CCDC61: variants seen among roughly 807,000 people sequenced by gnomAD.
CCDC61 encodes centrosomal protein CCDC61.
A neutral mutation model predicts 63.0 loss-of-function variants in CCDC61; 55 were observed. That is an observed-to-expected ratio of 0.87 (90% CI 0.70 to 1.09). The LOEUF (loss-of-function observed/expected upper bound fraction) is 1.09. CCDC61 is among the 50% of genes least tolerant of loss of function. CCDC61 has a pLI of 0.00. For synonymous variants in CCDC61, 270 were observed against 317.0 expected (o/e 0.85, Z 1.58); for missense variants, 651 against 731.4 (o/e 0.89, Z 1.27).
intron 4 of CCDC61, 24 bp from the exon 5 acceptor site, chr19:46,008,116 A>G: frequency 1.9e-6 from 3 of 1,581,240 alleles, no homozygotes; most frequent in Non-Finnish European, 2.6e-6. Flanking sequence ...CTGAGATGCC[A>G]CGGTTTTAAT....
intron 1 of CCDC61, among the ~76,000 whole-genome samples, chr19:45,997,717 C>T (rs576547225): frequency 8.0e-6 from 1 of 124,594 alleles, no homozygotes; most frequent in Admixed American, 8.1e-5. Flanking sequence ...GATAGAGTCT[C>T]TCTCTGTCAC....
At chr19:45,999,026 T>C (rs1968543347) in intron 1 of CCDC61, among the ~76,000 whole-genome samples, 1 of 152,168 alleles carries the variant, frequency 6.6e-6, no homozygotes. Flanking sequence ...TCTTTCATGG[T>C]GGGATCCTAG....
intron 5 of CCDC61, among the ~76,000 whole-genome samples, chr19:46,012,715 G>A (rs1968851668): frequency 6.6e-6 from 1 of 151,894 alleles, no homozygotes; most frequent in African/African-American, 2.4e-5. Context: ...TCTTTTTCCG[G>A]GAGAGACCCT....
chr19:46,015,330 C>T lies in CCDC61; in HGVS notation c.763-15C>T, dbSNP rs374586068. The T allele has an allele frequency of 1.9e-5, 31 of 1,596,536 alleles. No individual in the cohort carries two copies. Among genetic ancestry groups the T allele is most frequent in the Non-Finnish European group, 2.4e-5 (28 of 1,177,350 alleles). On this transcript the variant is annotated splice_polypyrimidine_tract_variant and intron_variant, in intron 6 of 13. Transcript: ENST00000595358. The surrounding 1 kb of genome is among the most constrained non-coding windows in gnomAD (Gnocchi z 5.3). ...CCTCAGCCTGGACCTCCGCGCCCCT[C>T]TCCCCTCCCGGCAGCTCGAGGAGGC... is the stretch of plus-strand genomic sequence containing the variant.
rs1441284845 is a variant in CCDC61, at chr19:46,015,568, G to C, written c.845+141G>C. The C allele has an allele frequency of 2.6e-6, 2 of 765,726 alleles. No individual in the cohort carries two copies. The highest frequency in any genetic ancestry group is 4.1e-6 in the Non-Finnish European group (2 of 490,734). The allele number at this position is 765,726 out of a possible 1,614,324, so 47.4% of individuals were successfully genotyped here. ...GCTGAAGGGGAGGCGGGGCTTAGCG[G>C]ACCCCGTCTGGAGTCCAGACAGGAT... is the stretch of plus-strand genomic sequence containing the variant. On this transcript the variant is annotated intron_variant, in intron 7 of 13. Transcript: ENST00000595358. This position sits in a 1 kb window ranked among gnomAD's most constrained non-coding sequence, Gnocchi z 5.3.
chr19:46,016,110 C>A lies in CCDC61; in HGVS notation c.902C>A (p.Ser301Tyr). The stretch of plus-strand genomic sequence containing the variant: ...ACGCGGGAGGACCGGGCCTCATCGT[C>A]CCGGGAGCGCTCCGCGTCGCGAGGC... ...PPTREDRASS[S>Y]RERSASRGRG... Residue 301 changes from serine (S) to tyrosine (Y), a missense_variant, in exon 8 of 14, where the codon TCC becomes TAC. Transcript: ENST00000595358. This position sits in a 1 kb window ranked among gnomAD's most constrained non-coding sequence, Gnocchi z 7.2. 8.1e-7 allele frequency: 1 copy of A among 1,228,438 alleles called. No homozygotes were observed. The highest frequency in any genetic ancestry group is 1.0e-6 in the Non-Finnish European group (1 of 995,286). The allele number at this position is 1,228,438 out of a possible 1,614,324, so 76.1% of individuals were successfully genotyped here. A position where few individuals can be genotyped will look rare whatever the true frequency, so the allele number is the denominator to read the frequency against.
chr19:46,008,284 C>A lies in CCDC61; in HGVS notation c.534C>A (p.Ile178=). 1.5e-6 allele frequency: 2 copies of A among 1,378,958 alleles called. No homozygotes were observed. The highest frequency in any genetic ancestry group is 3.0e-5 in the African/African-American group (2 of 66,834). The allele number at this position is 1,378,958 out of a possible 1,614,324, so 85.4% of individuals were successfully genotyped here. ...CTCGGGACACCCGGGAGAATGAGAT[C>A]TGGCATCTGCGGGAGCAGTGAGTCT... The part of the protein sequence containing the change: ...QNTRDTRENE[I]WHLREQVSRL... Residue 178 remains isoleucine (I), a synonymous_variant, in exon 5 of 14, where the codon ATC becomes ATA. Transcript: ENST00000595358.
At chr19:46,013,016 T>A (rs11668518) in intron 5 of CCDC61, among the ~76,000 whole-genome samples, 43,676 of 151,076 alleles carry the variant, frequency 0.29, 6,512 homozygotes, top group African/African-American at 0.35. Flanking sequence ...CATGCCAAGC[T>A]ATTTTTTTTT....
At position 46,016,097 on chromosome 19, in the gene CCDC61, C is replaced by A; in HGVS notation, c.889C>A (p.Arg297=). The A allele has an allele frequency of 8.1e-7, 1 of 1,237,294 alleles. No homozygotes were observed. Among genetic ancestry groups the A allele is most frequent in the Non-Finnish European group, 1.0e-6 (1 of 992,088 alleles). The allele number at this position is 1,237,294 out of a possible 1,614,324, so 76.6% of individuals were successfully genotyped here. Residue 297 remains arginine (R), a synonymous_variant, in exon 8 of 14, where the codon CGG becomes AGG. Coordinates refer to ENST00000595358, the MANE Select transcript of CCDC61 (RefSeq NM_001267723.2). The surrounding 1 kb of genome is among the most constrained non-coding windows in gnomAD (Gnocchi z 7.2). ...GCAGCCGCCCCCGACGCGGGAGGACCGGGCCTCATCGTCCCGGGAGCGCTC... is the reference window on the plus strand; with the variant it reads ...GCAGCCGCCCCCGACGCGGGAGGACAGGGCCTCATCGTCCCGGGAGCGCTC... ...PVQPPPTRED[R]ASSSRERSAS... is the part of the protein sequence containing the mutation.
intron 5 of CCDC61, among the ~76,000 whole-genome samples, chr19:46,012,714 G>A (rs1968851618): frequency 6.6e-6 from 1 of 151,642 alleles, no homozygotes; most frequent in Non-Finnish European, 1.5e-5. Context: ...GTCTTTTTCC[G>A]GGAGAGACCC....
At chr19:46,012,158 C>A (rs1399986517) in intron 5 of CCDC61, among the ~76,000 whole-genome samples, 1 of 152,172 alleles carries the variant, frequency 6.6e-6, no homozygotes, top group African/African-American at 2.4e-5. Context: ...CCAGGGCAGG[C>A]CCTGACTCCT....
Position 46,015,338 on chromosome 19 carries a change from C to T in CCDC61, c.763-7C>T, listed in dbSNP as rs754285319. 1.3e-6 allele frequency: 2 copies of T among 1,599,308 alleles called. No homozygotes were observed. Among genetic ancestry groups the T allele is most frequent in the East Asian group, 4.5e-5 (2 of 44,686 alleles). On this transcript the variant is annotated splice_polypyrimidine_tract_variant and splice_region_variant and intron_variant, in intron 6 of 13. Coordinates refer to ENST00000595358, the MANE Select transcript of CCDC61 (RefSeq NM_001267723.2). This position sits in a 1 kb window ranked among gnomAD's most constrained non-coding sequence, Gnocchi z 5.3. ...TGGACCTCCGCGCCCCTCTCCCCTCCCGGCAGCTCGAGGAGGCGAAGGCAT... is the reference window on the plus strand; with the variant it reads ...TGGACCTCCGCGCCCCTCTCCCCTCTCGGCAGCTCGAGGAGGCGAAGGCAT...
intron 5 of CCDC61, among the ~76,000 whole-genome samples, chr19:46,009,053 T>C (rs1196067148): frequency 6.6e-6 from 1 of 152,122 alleles, no homozygotes; most frequent in Non-Finnish European, 1.5e-5. Flanking sequence ...AGTATATCAT[T>C]ACAGATGGAG....
Position 46,018,187 on chromosome 19 carries a change from A to C in CCDC61, c.1441+37A>C. 1 of 1,577,598 alleles carries C rather than the reference A, an allele frequency of 6.3e-7. No homozygotes were observed. The highest frequency in any genetic ancestry group is 1.8e-5 in the Admixed American group (1 of 55,194). On this transcript the variant is annotated intron_variant, in intron 13 of 13. Transcript: ENST00000595358. This position sits in a 1 kb window ranked among gnomAD's most constrained non-coding sequence, Gnocchi z 4.2. ...ACTCCACATCCCCTCTCCCAGCCCC[A>C]GGACCCGTTGGAATGGTAGTGCGGG... is the stretch of plus-strand genomic sequence containing the variant.
At chr19:46,003,803 CTGTT>C (rs1006991719) in intron 3 of CCDC61, among the ~76,000 whole-genome samples, 8 of 147,884 alleles carry the variant, frequency 5.4e-5, no homozygotes, top group Admixed American at 1.4e-4. Context: ...CTCCATGTCT[CTGTT>C]TGTTTCCAAA....
Position 46,016,710 on chromosome 19 carries a change from C to T in CCDC61, c.1108C>T (p.Arg370Cys), listed in dbSNP as rs1460872617. 5.0e-6 allele frequency: 8 copies of T among 1,611,910 alleles called. No homozygotes were observed. The highest frequency in any genetic ancestry group is 6.8e-6 in the Non-Finnish European group (8 of 1,179,350). ...TTTTCCCAGGCAGCAGCAGCGGAACCGCTTAGGCAGTGGGGGAAGCGGGGA... is the reference window on the plus strand; with the variant it reads ...TTTTCCCAGGCAGCAGCAGCGGAACTGCTTAGGCAGTGGGGGAAGCGGGGA... ...EIQMKQQQRN[R>C]LGSGGSGDGP... The change falls in exon 10 of 14, where the codon CGC (arginine) becomes TGC (cysteine). Residue 370 changes from arginine to cysteine, a missense_variant. Coordinates refer to ENST00000595358, the MANE Select transcript of CCDC61 (RefSeq NM_001267723.2). The surrounding 1 kb of genome is among the most constrained non-coding windows in gnomAD (Gnocchi z 7.2).
chr19:46,010,795 G>A (rs555042307), intron 5 of CCDC61, among the ~76,000 whole-genome samples: 3 of 152,320 alleles, frequency 2.0e-5, no homozygotes, highest in South Asian at 2.1e-4. Context: ...CCCCTGCCCT[G>A]TAGCAAATCC....
rs1417902035 is a variant in CCDC61, at chr19:46,003,313, CTCAAGCCAGAGACACTGGAG to C, written c.149-103_149-84del. On this transcript the variant is annotated intron_variant, in intron 2 of 13. Coordinates refer to ENST00000595358, the MANE Select transcript of CCDC61 (RefSeq NM_001267723.2). The stretch of plus-strand genomic sequence containing the variant: ...GTGGGGAGGGGTGTAGGTCTTGTTG[CTCAAGCCAGAGACACTGGAG>C]TCGGGTAGAATTGCAGAGCTTAGGT... 3 of 1,428,218 alleles carry C rather than the reference CTCAAGCCAGAGACACTGGAG, an allele frequency of 2.1e-6. No homozygotes were observed. The Admixed American group carries it at 6.2e-5, about 29-fold the overall frequency. 88.5% of individuals were successfully genotyped at this position (1,428,218 alleles called of 1,614,324 possible).
chr19:46,006,745 A>G, intron 4 of CCDC61, 29 bp downstream of exon 4: 1 of 1,568,838 alleles, frequency 6.4e-7, no homozygotes, highest in Non-Finnish European at 8.7e-7. Context: ...CTCCAGGGCC[A>G]GGCTGGTGGG....
Sources: gnomAD v4.1 joint callset for allele counts (sites outside exome capture counted in the v4.1 genomes callset) on GRCh38, gnomAD v4.1.1 for gene constraint, Gnocchi (gnomAD v3.1) non-coding constraint, MANE v1.5 for transcripts, NCBI Gene and HGNC (gene_info 2026-07-23, HGNC 2026-07-21) for gene names.